The following NFXL1 variants were observed in gnomAD, a reference collection of about 807,000 sequenced individuals.
The protein encoded by NFXL1 is nuclear transcription factor, X-box binding like 1.
NFXL1 carries 66 observed loss-of-function variants against 123.3 expected under a neutral mutation model. That is an observed-to-expected ratio of 0.54 (90% confidence interval 0.44 to 0.66). The LOEUF is 0.66. NFXL1 is among the 30% of genes least tolerant of loss of function. The pLI is 0.00. For missense variants in NFXL1, 944 were observed against 1,125.6 expected (o/e 0.84, Z 2.31); for synonymous variants, 346 against 360.8 (o/e 0.96, Z 0.46).
intron 22 of NFXL1, among the ~76,000 whole-genome samples, chr4:47,850,611 C>T (rs1000242218): frequency 2.6e-5 from 4 of 151,826 alleles, no homozygotes; most frequent in East Asian, 3.9e-4. Flanking sequence ...GTTATAATCC[C>T]GCATTTAAAG....
chr4:47,862,651 C>A (rs1490590673), intron 19 of NFXL1, among the ~76,000 whole-genome samples, 195 bp downstream of exon 19: 2 of 152,112 alleles, frequency 1.3e-5, no homozygotes, highest in East Asian at 3.8e-4. Context: ...AAAAAATCTT[C>A]AAAGGGTCAT....
intron 17 of NFXL1, among the ~76,000 whole-genome samples, chr4:47,875,985 G>A (rs59822337): frequency 0.03 from 4,533 of 152,028 alleles, 248 homozygotes; most frequent in African/African-American, 0.1. Flanking sequence ...GTTTTCTCAC[G>A]TCATACTTGA....
chr4:47,896,502 T>G, intron 10 of NFXL1, 21 bp downstream of exon 10: 4 of 1,600,016 alleles, frequency 2.5e-6, no homozygotes, highest in Non-Finnish European at 3.4e-6. Context: ...TTAAAAGTAA[T>G]TATTACAGGA....
intron 18 of NFXL1, among the ~76,000 whole-genome samples, chr4:47,866,255 G>A (rs12186152): frequency 0.34 from 51,789 of 151,810 alleles, 9,240 homozygotes; most frequent in East Asian, 0.59. Flanking sequence ...CTTTAGACCC[G>A]GCAAAAGAAG....
intron 22 of NFXL1, 117 bp from the exon 23 acceptor site, chr4:47,848,453 T>C (rs767022164): frequency 1.9e-5 from 14 of 734,584 alleles, no homozygotes; most frequent in Non-Finnish European, 3.0e-5. Context: ...ATAGTCAATA[T>C]ATTGATTTGA....
chr4:47,890,386 C>T (rs901127975), intron 12 of NFXL1, among the ~76,000 whole-genome samples: 8 of 152,164 alleles, frequency 5.3e-5, no homozygotes, highest in African/African-American at 1.9e-4. Flanking sequence ...TTCAAATGTA[C>T]TAGACATTTC....
chr4:47,866,256 G>C (rs1735067414), intron 18 of NFXL1, among the ~76,000 whole-genome samples: 1 of 152,236 alleles, frequency 6.6e-6, no homozygotes, highest in South Asian at 2.1e-4. Flanking sequence ...TTTAGACCCG[G>C]CAAAAGAAGG....
At chr4:47,877,019 G>A in intron 17 of NFXL1, 2 of 1,226,734 alleles carry the variant, frequency 1.6e-6, no homozygotes, top group Non-Finnish European at 2.1e-6. Flanking sequence ...CACCTAAAGA[G>A]TTTATTTCAT....
intron 18 of NFXL1, among the ~76,000 whole-genome samples, chr4:47,863,265 C>T (rs564687729): frequency 1.2e-4 from 19 of 152,152 alleles, no homozygotes; most frequent in Non-Finnish European, 1.5e-4. Context: ...ATTGTTAATG[C>T]CCCTACATAA....
At chr4:47,906,954 A>C (rs1287574953) in intron 3 of NFXL1, among the ~76,000 whole-genome samples, 3 of 152,236 alleles carry the variant, frequency 2.0e-5, no homozygotes, top group Non-Finnish European at 4.4e-5. Context: ...GTTAAGAGAC[A>C]GTTACAGCAG....
chr4:47,873,810 G>A (rs1045818211), intron 18 of NFXL1, among the ~76,000 whole-genome samples: 4 of 152,084 alleles, frequency 2.6e-5, no homozygotes, highest in African/African-American at 9.7e-5. Context: ...AACTATGAAA[G>A]TCCTAGATAG....
chr4:47,875,379 C>A, intron 17 of NFXL1, 86 bp from the exon 18 acceptor site: 3 of 958,822 alleles, frequency 3.1e-6, no homozygotes, highest in Non-Finnish European at 4.5e-6. Context: ...TTATATATCC[C>A]ATTAAAATAA....
chr4:47,851,773 G>T (rs1734131284), intron 21 of NFXL1, 83 bp downstream of exon 21: 4 of 843,134 alleles, frequency 4.7e-6, no homozygotes, highest in Non-Finnish European at 7.5e-6. Context: ...GAGATTTCAA[G>T]TTGTTTTTAA....
At chr4:47,908,759 T>C (rs6816253) in intron 3 of NFXL1, among the ~76,000 whole-genome samples, 49,757 of 151,522 alleles carry the variant, frequency 0.33, 9,819 homozygotes, top group Non-Finnish European at 0.44. Context: ...ATCAAGACCA[T>C]CCTGGCTAAC....
chr4:47,877,499 C>G (rs149514319), intron 17 of NFXL1, among the ~76,000 whole-genome samples: 1 of 152,122 alleles, frequency 6.6e-6, no homozygotes, highest in Non-Finnish European at 1.5e-5. Context: ...ACTCCGTATT[C>G]TGGAAATCTG....
chr4:47,863,766 T>C (rs1352720532), intron 18 of NFXL1, among the ~76,000 whole-genome samples: 2 of 152,222 alleles, frequency 1.3e-5, no homozygotes, highest in East Asian at 3.8e-4. Context: ...TATATCTCAG[T>C]GAGTAATTCA....
Position 47,894,292 on chromosome 4 carries a change from T to C in NFXL1, c.1340A>G (p.Lys447Arg). Residue 447 changes from lysine to arginine, a missense_variant, in exon 11 of 23, where the codon AAG becomes AGG. Lys to Arg is a conservative substitution (Grantham distance 26, BLOSUM62 2). This residue lies in a region of NFXL1 where 296 missense variants were observed against 395.1 expected (regional missense o/e 0.75). Transcript: ENST00000507489. ...TGTATGCTTTCCACAGCGACAATGC[T>C]TTTCCACTTCCTGGAAGAATAAAAG... is the stretch of plus-strand genomic sequence containing the variant. Reference protein sequence around the residue: ...PCETCRQEVEKHCRCGKHTKR... With the variant: ...PCETCRQEVERHCRCGKHTKR... 6.3e-7 allele frequency: 1 copy of C among 1,585,298 alleles called. No homozygotes were observed. Among genetic ancestry groups the C allele is most frequent in the South Asian group, 1.2e-5 (1 of 85,704 alleles).
At chr4:47,861,327 G>T (rs773203765) in intron 19 of NFXL1, among the ~76,000 whole-genome samples, 8 of 152,106 alleles carry the variant, frequency 5.3e-5, no homozygotes, top group Non-Finnish European at 1.0e-4. Flanking sequence ...AACTATAACG[G>T]CCATTTGAAT....
At chr4:47,868,270 G>T (rs953342426) in intron 18 of NFXL1, among the ~76,000 whole-genome samples, 2 of 150,312 alleles carry the variant, frequency 1.3e-5, no homozygotes, top group African/African-American at 4.9e-5. Context: ...AGTGAGCCGA[G>T]ATCGCACCAT....
Sources: allele counts gnomAD v4.1 joint callset (sites outside exome capture counted in the v4.1 genomes callset), GRCh38; gene constraint gnomAD v4.1.1; regional missense constraint gnomAD v4.1.1; transcripts MANE v1.5; gene names NCBI Gene and HGNC (gene_info 2026-07-23, HGNC 2026-07-21).